The following RANBP17 variants were observed in gnomAD, a reference collection of about 807,000 sequenced individuals.
RANBP17 encodes ran-binding protein 17.
RANBP17 carries 158 observed loss-of-function variants against 141.2 expected under a neutral mutation model. The ratio of observed to expected loss-of-function variants is 1.12; its 90% CI spans 0.98 to 1.28. RANBP17 has a LOEUF of 1.28. Ranked by LOEUF, RANBP17 falls within the 50% of genes most tolerant of loss-of-function variation. The pLI is 0.00. For synonymous variants in RANBP17, 430 were observed against 450.0 expected, an observed-to-expected ratio of 0.96 and a Z score of 0.56; for missense variants, 1,438 against 1,290.7, an observed-to-expected ratio of 1.11 and a Z score of -1.75.
intron 1 of RANBP17, among the ~76,000 whole-genome samples, chr5:170,875,952 T>A (rs909504296): frequency 6.6e-6 from 1 of 152,240 alleles, no homozygotes; most frequent in Non-Finnish European, 1.5e-5. Flanking sequence ...TTGTTGATGC[T>A]GCTGTTGTTG....
chr5:171,095,222 A>G (rs1263114762), intron 14 of RANBP17, among the ~76,000 whole-genome samples: 1 of 152,218 alleles, frequency 6.6e-6, no homozygotes, highest in Non-Finnish European at 1.5e-5. Context: ...GATAGTTTTA[A>G]GATTTTATTC....
In RANBP17 at chr5:171,181,512, G is replaced by GA. The variant is rs1287951936; in HGVS notation, c.1866-1651dup. 2.6e-5 allele frequency among the ~76,000 whole-genome samples: 4 copies of GA among 151,956 alleles called. No homozygotes were observed. In the East Asian group the frequency reaches 7.7e-4, roughly 29 times the overall value. ...CACCTGCTGAGAGCAGTGCAATAGG[G>GA]AAAATCCATGGATGTAGTCCCTGCC... On this transcript the variant is annotated intron_variant, in intron 16 of 27. Coordinates refer to ENST00000523189, the MANE Select transcript of RANBP17 (RefSeq NM_022897.5).
chr5:170,904,354 A>G (rs1770904608), intron 5 of RANBP17: 2 of 207,780 alleles, frequency 9.6e-6, no homozygotes, highest in African/African-American at 4.7e-5. Context: ...ATTTCACAGA[A>G]GCTGTGTTGT....
chr5:171,109,381 A>G (rs908890473), intron 14 of RANBP17, among the ~76,000 whole-genome samples: 2 of 152,202 alleles, frequency 1.3e-5, no homozygotes, highest in African/African-American at 4.8e-5. Flanking sequence ...TTAAAATCAA[A>G]TATGCCTTAG....
intron 12 of RANBP17, among the ~76,000 whole-genome samples, chr5:170,947,274 T>C: frequency 6.6e-6 from 1 of 152,170 alleles, no homozygotes; most frequent in African/African-American, 2.4e-5. Context: ...ATATAATGAT[T>C]TCTTAATTCA....
At chr5:170,904,904 C>T (rs1341448309) in intron 5 of RANBP17, among the ~76,000 whole-genome samples, 2 of 152,116 alleles carry the variant, frequency 1.3e-5, no homozygotes, top group Non-Finnish European at 2.9e-5. Flanking sequence ...TGTAATACCA[C>T]TAACTATTCA....
chr5:171,034,326 TATC>T (rs923450038), intron 14 of RANBP17, among the ~76,000 whole-genome samples: 10 of 152,190 alleles, frequency 6.6e-5, no homozygotes, highest in Non-Finnish European at 5.9e-5. Flanking sequence ...CTCTTAGGGT[TATC>T]ATATGTAATT....
intron 14 of RANBP17, among the ~76,000 whole-genome samples, chr5:171,103,627 G>A (rs971916458): frequency 3.9e-5 from 6 of 151,938 alleles, no homozygotes; most frequent in East Asian, 3.9e-4. Flanking sequence ...TCTCACTGGC[G>A]TTCCAGGTGC....
At chr5:171,130,024 T>G (rs1756786970) in intron 14 of RANBP17, among the ~76,000 whole-genome samples, 1 of 152,002 alleles carries the variant, frequency 6.6e-6, no homozygotes, top group Non-Finnish European at 1.5e-5. Flanking sequence ...GGGCTCTACT[T>G]TTTAAAAGGA....
At position 171,216,443 on chromosome 5, in the gene RANBP17, A is replaced by G. The variant is rs539354841; in HGVS notation, c.2339+2705A>G. 3.9e-5 allele frequency among the ~76,000 whole-genome samples: 6 copies of G among 152,238 alleles called. No homozygotes were observed. In the South Asian group the frequency reaches 1.2e-3, roughly 32 times the overall value. On this transcript the variant is annotated intron_variant, in intron 21 of 27. Coordinates refer to ENST00000523189, the MANE Select transcript of RANBP17 (RefSeq NM_022897.5). Reference sequence around the variant, plus strand: ...GTTTTTTCTAGTTCTGCGAAGAAAGATACTGGTAGCTTGATGGGAATAGCA... The same window carrying G: ...GTTTTTTCTAGTTCTGCGAAGAAAGGTACTGGTAGCTTGATGGGAATAGCA...
At chr5:170,864,578 C>G (rs1241960606) in intron 1 of RANBP17, among the ~76,000 whole-genome samples, 1 of 152,110 alleles carries the variant, frequency 6.6e-6, no homozygotes, top group Non-Finnish European at 1.5e-5. Flanking sequence ...CCCTGACAGG[C>G]AATCCAGATA....
intron 19 of RANBP17, among the ~76,000 whole-genome samples, chr5:171,201,734 A>G (rs1391254501): frequency 2.0e-5 from 3 of 152,246 alleles, no homozygotes; most frequent in African/African-American, 2.4e-5. Flanking sequence ...GCTTTAAGCT[A>G]CCGATAAAAA....
chr5:170,897,503 C>T (rs7705472), intron 5 of RANBP17, among the ~76,000 whole-genome samples: 4,070 of 152,080 alleles, frequency 0.027, 169 homozygotes, highest in African/African-American at 0.093. Flanking sequence ...GTTTGCTGCA[C>T]CCATCAACCA....
At chr5:170,957,239 G>T (rs1775793433) in intron 13 of RANBP17, among the ~76,000 whole-genome samples, 2 of 152,026 alleles carry the variant, frequency 1.3e-5, no homozygotes, top group Admixed American at 6.5e-5. Flanking sequence ...ACTAAGATTT[G>T]TGTTTTGGCC....
chr5:170,949,147 G>A (rs920600329), intron 12 of RANBP17, among the ~76,000 whole-genome samples: 22 of 152,008 alleles, frequency 1.4e-4, no homozygotes, highest in African/African-American at 4.8e-4. Context: ...AGTGACTTTG[G>A]GTTGGGCAGC....
intron 14 of RANBP17, among the ~76,000 whole-genome samples, chr5:171,078,431 C>T (rs779665): frequency 0.59 from 90,217 of 151,990 alleles, 28,738 homozygotes; most frequent in South Asian, 0.88. Flanking sequence ...GCTGGGATTA[C>T]GGGCATGAGC....
rs1415700242 is a variant in RANBP17 at position 171,060,799 on chromosome 5, C to G, written c.1710+92422C>G. Among the ~76,000 whole-genome samples the G allele has an allele frequency of 4.6e-5, 7 of 151,918 alleles. No homozygotes were observed. In the East Asian group the frequency reaches 1.4e-3, roughly 30 times the overall value. ...CTGTGAATCCATCTGGTCCTGGACTCTTTTTGGTTGGTAAGCTATTGATTA... is the reference window on the plus strand; with the variant it reads ...CTGTGAATCCATCTGGTCCTGGACTGTTTTTGGTTGGTAAGCTATTGATTA... On this transcript the variant is annotated intron_variant, in intron 14 of 27. Transcript: ENST00000523189.
In RANBP17 at chr5:170,944,584, T is replaced by C. The variant is rs551652494; in HGVS notation, c.1469-9013T>C. On this transcript the variant is annotated intron_variant, in intron 12 of 27. Transcript: ENST00000523189. ...CAACCAGCTCCAATAATAATGTCTT[T>C]ATATTTCACTGTTCATCTCTAACAT... 9.2e-5 allele frequency among the ~76,000 whole-genome samples: 14 copies of C among 152,326 alleles called. No homozygotes were observed. In the South Asian group the frequency reaches 2.7e-3, roughly 29 times the overall value.
At chr5:171,079,481 T>C (rs1037203826) in intron 14 of RANBP17, among the ~76,000 whole-genome samples, 1 of 152,226 alleles carries the variant, frequency 6.6e-6, no homozygotes, top group Non-Finnish European at 1.5e-5. Flanking sequence ...TCAAACAGCA[T>C]TGTATGTTGC....
Sources: gnomAD v4.1 joint callset for allele counts (sites outside exome capture counted in the v4.1 genomes callset) on GRCh38, gnomAD v4.1.1 for gene constraint, MANE v1.5 for transcripts, NCBI Gene and HGNC (gene_info 2026-07-23, HGNC 2026-07-21) for gene names.